Variants in MACF1 observed in about 807,000 individuals in gnomAD.
The protein encoded by MACF1 is microtubule-actin cross-linking factor 1.
A neutral mutation model predicts 854.8 loss-of-function variants in MACF1; 193 were observed. That is an observed-to-expected ratio of 0.23 (90% confidence interval 0.20 to 0.25). The LOEUF (loss-of-function observed/expected upper bound fraction) is 0.25. Ranked by LOEUF, MACF1 falls within the 10% of genes least tolerant of loss-of-function variation. The probability of loss-of-function intolerance (pLI) is 1.00; values close to 1 mark genes in which losing one functional copy is unlikely to be tolerated. For synonymous variants in MACF1, 3,185 were observed against 3,226.7 expected, an observed-to-expected ratio of 0.99 and a Z score of 0.44; for missense variants, 7,722 against 8,929.1, an observed-to-expected ratio of 0.86 and a Z score of 5.45.
chr1:39,469,469 G>A, intron 96 of MACF1, 78 bp from the exon 97 acceptor site: 1 of 1,096,704 alleles, frequency 9.1e-7, no homozygotes, highest in Non-Finnish European at 1.4e-6. Context: ...CCCACTGTCT[G>A]CCAATTTGTC....
At chr1:39,299,188 C>T (rs1303663119) in intron 21 of MACF1, 1 of 455,746 alleles carries the variant, frequency 2.2e-6, no homozygotes, top group African/African-American at 2.0e-5. Context: ...CTGATATATT[C>T]CATTCCTCTT....
chr1:39,253,465 A>C (rs934172470), intron 4 of MACF1, among the ~76,000 whole-genome samples: 22 of 148,252 alleles, frequency 1.5e-4, no homozygotes, highest in Admixed American at 2.0e-4. Flanking sequence ...TTTCTTGAGC[A>C]TATGTAACTT....
intron 2 of MACF1, among the ~76,000 whole-genome samples, chr1:39,182,090 GCA>G (rs1644111810): frequency 6.6e-6 from 1 of 151,416 alleles, no homozygotes; most frequent in African/African-American, 2.4e-5. Context: ...GGCAGAGGTT[GCA>G]GTGAGCTGAG....
At position 39,137,616 on chromosome 1, in the gene MACF1, C is replaced by T. The variant is rs1328409962; in HGVS notation, c.220+53178C>T. Among the ~76,000 whole-genome samples, 4 of 152,198 alleles carry T rather than the reference C, an allele frequency of 2.6e-5. No homozygotes were observed. The East Asian group carries it at 7.7e-4, about 29-fold the overall frequency. On this transcript the variant is annotated intron_variant, in intron 2 of 93. Coordinates refer to the MACF1 transcript ENST00000361689. ...CCTGGGCTCAAGCCATCCTTCTGCC[C>T]TGGCCTCCCAAAGAGCTGGGATTAT... is the stretch of plus-strand genomic sequence containing the variant.
At chr1:39,380,578 T>C (rs1431866114) in intron 55 of MACF1, among the ~76,000 whole-genome samples, 1 of 152,182 alleles carries the variant, frequency 6.6e-6, no homozygotes, top group Non-Finnish European at 1.5e-5. Context: ...TTTGGCTTTC[T>C]TGGGCAAGTC....
At chr1:39,359,084 T>C (rs1367561759) in intron 46 of MACF1, 57 bp from the exon 47 acceptor site, 5 of 1,602,890 alleles carry the variant, frequency 3.1e-6, no homozygotes, top group Admixed American at 1.7e-5. Context: ...TCCGGATTCC[T>C]AGAATCATCT....
chr1:39,174,050 C>T (rs1046362992), intron 2 of MACF1, among the ~76,000 whole-genome samples: 14 of 151,976 alleles, frequency 9.2e-5, no homozygotes, highest in South Asian at 2.1e-4. Context: ...CGTGCTTTAC[C>T]GCACATTTGT....
At position 39,331,863 on chromosome 1, in the gene MACF1, A is replaced by G; in HGVS notation, c.5275A>G (p.Arg1759Gly). The G allele has an allele frequency of 6.2e-7, 1 of 1,614,156 alleles. No homozygotes were observed. The highest frequency in any genetic ancestry group is 8.5e-7 in the Non-Finnish European group (1 of 1,180,018). ...TGCAGTTCAGGAAGGGCTAATAGAT[A>G]GGCAGGTCACTGTCCGGTTGCTGGA... ...FRAVQEGLID[R>G]QVTVRLLEAQ... The change falls in exon 37 of 101, where the codon AGG (arginine) becomes GGG (glycine). Residue 1759 changes from arginine (R) to glycine (G), a missense_variant. Arg to Gly is a moderately radical substitution (Grantham distance 125, BLOSUM62 -2). Coordinates refer to ENST00000564288, the MANE Select transcript of MACF1 (RefSeq NM_001394062.1).
chr1:39,484,589 A>T lies in MACF1; in HGVS notation c.22282-12A>T, dbSNP rs767936935. On this transcript the variant is annotated splice_polypyrimidine_tract_variant and intron_variant, in intron 99 of 100. Transcript: ENST00000564288. ...CCAAGTAAAATGTGACCTTTTTATT[A>T]TTTTTTTTAAGGTTATCCCATCATC... is the stretch of plus-strand genomic sequence containing the variant. 57 of 1,599,916 alleles carry T rather than the reference A, an allele frequency of 3.6e-5. No homozygotes were observed. Among genetic ancestry groups the T allele is most frequent in the Non-Finnish European group, 4.6e-5 (54 of 1,173,976 alleles).
At chr1:39,419,781 C>T (rs941792185) in intron 58 of MACF1, among the ~76,000 whole-genome samples, 4 of 148,914 alleles carry the variant, frequency 2.7e-5, no homozygotes, top group Admixed American at 6.7e-5. Context: ...TACAGGCGTG[C>T]GCCACCATGC....
rs1194059016 is a variant in MACF1, at chr1:39,292,754, T to C, written c.1915-12T>C. ...TCTCTAATGTATTTTTATTTCATTCTTTTTTAATCAGGGAAAGATGTCCCA... is the reference window on the plus strand; with the variant it reads ...TCTCTAATGTATTTTTATTTCATTCCTTTTTAATCAGGGAAAGATGTCCCA... On this transcript the variant is annotated splice_polypyrimidine_tract_variant and intron_variant, in intron 16 of 100. Transcript: ENST00000564288. The C allele has an allele frequency of 1.9e-6, 3 of 1,590,386 alleles. No homozygotes were observed. Among genetic ancestry groups the C allele is most frequent in the Non-Finnish European group, 2.6e-6 (3 of 1,162,870 alleles).
intron 26 of MACF1, among the ~76,000 whole-genome samples, chr1:39,314,569 TCACACACACACACACA>T (rs58459573): frequency 3.1e-5 from 2 of 65,356 alleles, no homozygotes; most frequent in Admixed American, 3.6e-4. Context: ...TCTCTCTCTC[TCACACACACACACACA>T]CACACACACA....
At chr1:39,337,114 C>G in intron 37 of MACF1, 68 bp from the exon 38 acceptor site, 4 of 1,496,032 alleles carry the variant, frequency 2.7e-6, no homozygotes, top group Non-Finnish European at 3.6e-6. Flanking sequence ...ACAAAAACCC[C>G]TGCCTGCTTT....
chr1:39,103,046 T>C (rs1642133118), intron 2 of MACF1: 2 of 674,904 alleles, frequency 3.0e-6, no homozygotes, highest in South Asian at 3.1e-5. Flanking sequence ...CCTGGGAGCA[T>C]TTAAATGCAA....
chr1:39,105,098 C>A lies in MACF1; in HGVS notation c.220+20660C>A, dbSNP rs962542256. On this transcript the variant is annotated intron_variant, in intron 2 of 93. Coordinates refer to the MACF1 transcript ENST00000361689. The surrounding 1 kb of genome is among the most constrained non-coding windows in gnomAD (Gnocchi z 5.9). ...GCCGGCCCAGCCTTTCATCCTGACGCGCGGGGCCTCCCACCCAGCGGGACT... is the reference window on the plus strand; with the variant it reads ...GCCGGCCCAGCCTTTCATCCTGACGAGCGGGGCCTCCCACCCAGCGGGACT... Among the ~76,000 whole-genome samples the A allele has an allele frequency of 7.9e-5, 12 of 152,130 alleles. No individual in the cohort carries two copies. Among genetic ancestry groups the A allele is most frequent in the Non-Finnish European group, 1.8e-4 (12 of 68,004 alleles).
At chr1:39,287,627 G>C in intron 15 of MACF1, 65 bp downstream of exon 15, 2 of 1,569,910 alleles carry the variant, frequency 1.3e-6, no homozygotes, top group Non-Finnish European at 1.7e-6. Flanking sequence ...GCTTATCTAA[G>C]AGGACCAAAT....
intron 6 of MACF1, among the ~76,000 whole-genome samples, chr1:39,262,503 A>C (rs1024216860): frequency 6.6e-6 from 1 of 152,044 alleles, no homozygotes; most frequent in African/African-American, 2.4e-5. Context: ...GAGAACAGAC[A>C]TACCATAAAA....
At position 39,105,859 on chromosome 1, in the gene MACF1, C is replaced by G; in HGVS notation, c.220+21421C>G. 1.6e-6 allele frequency: 1 copy of G among 629,668 alleles called. No homozygotes were observed. The highest frequency in any genetic ancestry group is 2.0e-6 in the Non-Finnish European group (1 of 504,622). 39.0% of individuals were successfully genotyped at this position (629,668 alleles called of 1,614,324 possible). A position where few individuals can be genotyped will look rare whatever the true frequency, so the allele number is the denominator to read the frequency against. ...GGGGCTTGGCCCTGAGCTGCTGCTT[C>G]TCGGGGCCAGTTTATTTACAGAGTT... is the stretch of plus-strand genomic sequence containing the variant. On this transcript the variant is annotated intron_variant, in intron 2 of 93. Transcript: ENST00000361689. This position sits in a 1 kb window ranked among gnomAD's most constrained non-coding sequence, Gnocchi z 5.9.
intron 2 of MACF1, among the ~76,000 whole-genome samples, chr1:39,124,217 C>T (rs1312366148): frequency 6.6e-6 from 1 of 151,930 alleles, no homozygotes; most frequent in Admixed American, 6.6e-5. Context: ...ATTCTGTGCC[C>T]GTTAAAGTTT....
Sources: gnomAD v4.1 joint callset for allele counts (sites outside exome capture counted in the v4.1 genomes callset) on GRCh38, gnomAD v4.1.1 for gene constraint, Gnocchi (gnomAD v3.1) non-coding constraint, MANE v1.5 for transcripts, NCBI Gene and HGNC (gene_info 2026-07-23, HGNC 2026-07-21) for gene names.